Variants in MBNL2 observed in about 807,000 individuals in gnomAD.
The protein encoded by MBNL2 is muscleblind-like protein 2.
MBNL2 carries 17 observed loss-of-function variants against 41.9 expected under a neutral mutation model. The ratio of observed to expected loss-of-function variants is 0.41; its 90% CI spans 0.28 to 0.61. The LOEUF (loss-of-function observed/expected upper bound fraction) is 0.61, where lower values mean the gene tolerates loss of function less well. MBNL2 is among the 20% of genes least tolerant of loss of function. MBNL2 has a pLI of 0.35. For missense variants in MBNL2, 336 were observed against 505.6 expected (o/e 0.66, Z 3.22); for synonymous variants, 195 against 182.9 (o/e 1.07, Z -0.53).
chr13:97,143,198 A>G, the MBNL2 span, among the ~76,000 whole-genome samples: 5 of 152,250 alleles, frequency 3.3e-5, no homozygotes, highest in Non-Finnish European at 7.3e-5. Context: ...TTTTGTCAAC[A>G]TAGTCAACAC....
the MBNL2 span, among the ~76,000 whole-genome samples, chr13:97,208,757 A>G: frequency 0.12 from 17,716 of 152,202 alleles, 1,725 homozygotes; most frequent in African/African-American, 0.27. Context: ...CCTAACCTTA[A>G]TCTAAAGATG....
the MBNL2 span, among the ~76,000 whole-genome samples, chr13:97,209,034 CAA>C: frequency 6.6e-6 from 1 of 152,020 alleles, no homozygotes; most frequent in Non-Finnish European, 1.5e-5. Context: ...AATGCGGGGG[CAA>C]ACAAATCAAA....
At chr13:97,218,440 C>CAAAACAAA (rs55815508), upstream of MBNL2, among the ~76,000 whole-genome samples, 284 of 117,960 alleles carry the variant, frequency 2.4e-3, 3 homozygotes, top group Non-Finnish European at 3.3e-3. Flanking sequence ...CAAAACAAAA[C>CAAAACAAA]AAAAAAAAAA....
chr13:97,346,575 T>C lies in MBNL2; in HGVS notation c.541-229T>C, dbSNP rs1460165637. Among the ~76,000 whole-genome samples, 1 of 152,228 alleles carries C rather than the reference T, an allele frequency of 6.6e-6. No homozygotes were observed. The highest frequency in any genetic ancestry group is 1.5e-5 in the Non-Finnish European group (1 of 68,036). ...TAGCTGAACTGCAGATTTCGTATTA[T>C]TTTCTCAATATAGATTTTCACCCTA... On this transcript the variant is annotated intron_variant, in intron 4 of 8. Transcript: ENST00000679496. The surrounding 1 kb of genome is among the most constrained non-coding windows in gnomAD (Gnocchi z 4.2).
intron 2 of MBNL2, among the ~76,000 whole-genome samples, chr13:97,317,803 A>C (rs1389789290): frequency 1.3e-5 from 2 of 152,170 alleles, no homozygotes; most frequent in Non-Finnish European, 2.9e-5. Flanking sequence ...GATTTTGAAA[A>C]CTGTATGATT....
the MBNL2 span, among the ~76,000 whole-genome samples, chr13:97,195,848 A>T: frequency 6.6e-6 from 1 of 152,144 alleles, no homozygotes; most frequent in Non-Finnish European, 1.5e-5. Flanking sequence ...ATTCTACAGC[A>T]TGTTGTTTTT....
At chr13:97,214,253 T>C in the MBNL2 span, among the ~76,000 whole-genome samples, 2 of 152,232 alleles carry the variant, frequency 1.3e-5, no homozygotes, top group Non-Finnish European at 2.9e-5. Context: ...GTTTTGACTT[T>C]TCGACTCTTT....
chr13:97,176,096 C>G, the MBNL2 span, among the ~76,000 whole-genome samples: 36 of 152,192 alleles, frequency 2.4e-4, no homozygotes, highest in Middle Eastern at 3.2e-3. Context: ...TAAACACATG[C>G]TTCCCTCCTC....
intron 2 of MBNL2, among the ~76,000 whole-genome samples, chr13:97,318,756 G>A (rs2059260243): frequency 6.6e-6 from 1 of 152,176 alleles, no homozygotes; most frequent in Non-Finnish European, 1.5e-5. Context: ...TTTACAGGCA[G>A]GTCCTAAGAG....
At chr13:97,337,605 C>T (rs538358573) in intron 3 of MBNL2, among the ~76,000 whole-genome samples, 3 of 152,278 alleles carry the variant, frequency 2.0e-5, no homozygotes, top group South Asian at 4.1e-4. Flanking sequence ...CTCCTCTGAG[C>T]CCCAGGCTCA....
At chr13:97,220,524 A>G, upstream of MBNL2, among the ~76,000 whole-genome samples, 1 of 152,186 alleles carries the variant, frequency 6.6e-6, no homozygotes, top group South Asian at 2.1e-4. Flanking sequence ...TGAAAGGGAG[A>G]GCCCAGATTA....
the MBNL2 span, chr13:97,172,401 G>C: frequency 6.6e-6 from 1 of 152,210 alleles, no homozygotes; most frequent in Non-Finnish European, 1.5e-5. Context: ...ATTCTGTAAA[G>C]GTCACCTGAA....
the MBNL2 span, among the ~76,000 whole-genome samples, chr13:97,156,254 T>C: frequency 7.6e-6 from 1 of 132,372 alleles, no homozygotes; most frequent in Non-Finnish European, 1.6e-5. Flanking sequence ...GTTTGTTTTT[T>C]TCTTGTAAAT....
intron 1 of MBNL2, among the ~76,000 whole-genome samples, 198 bp from the exon 2 acceptor site, chr13:97,275,434 T>C (rs1405485403): frequency 6.6e-6 from 1 of 152,214 alleles, no homozygotes; most frequent in Non-Finnish European, 1.5e-5. Flanking sequence ...ACTTTTGGAC[T>C]GCTGCCTAGA....
chr13:97,215,162 G>A, the MBNL2 span, among the ~76,000 whole-genome samples: 9 of 152,262 alleles, frequency 5.9e-5, no homozygotes, highest in Non-Finnish European at 1.0e-4. Flanking sequence ...TCCTCTCTGC[G>A]ACTTCAAATG....
chr13:97,361,549 G>T (rs1275948788), intron 7 of MBNL2, among the ~76,000 whole-genome samples: 2 of 151,946 alleles, frequency 1.3e-5, no homozygotes, highest in South Asian at 2.1e-4. Flanking sequence ...AGAGAGAGAG[G>T]CTCATGGAAT....
chr13:97,142,742 C>T, the MBNL2 span, among the ~76,000 whole-genome samples: 1 of 152,190 alleles, frequency 6.6e-6, no homozygotes, highest in Non-Finnish European at 1.5e-5. Context: ...GGGACCCTAC[C>T]CAAGGAATTG....
At chr13:97,353,581 G>A (rs1198974094) in intron 5 of MBNL2, among the ~76,000 whole-genome samples, 1 of 152,142 alleles carries the variant, frequency 6.6e-6, no homozygotes, top group Non-Finnish European at 1.5e-5. Flanking sequence ...GGAATGGAAA[G>A]CTTTGACTCC....
At chr13:97,166,837 T>TAGAAAGAAAGAA in the MBNL2 span, among the ~76,000 whole-genome samples, 520 of 143,372 alleles carry the variant, frequency 3.6e-3, 5 homozygotes, top group African/African-American at 7.7e-3. Context: ...GATAGATAGA[T>TAGAAAGAAAGAA]AGAAAGATAG....
Sources: gnomAD v4.1 joint callset for allele counts (sites outside exome capture counted in the v4.1 genomes callset) on GRCh38, gnomAD v4.1.1 for gene constraint, Gnocchi (gnomAD v3.1) non-coding constraint, MANE v1.5 for transcripts, NCBI Gene and HGNC (gene_info 2026-07-23, HGNC 2026-07-21) for gene names.